IL4: variants seen among roughly 807,000 people sequenced by gnomAD.
IL4 encodes interleukin 4, also known as interleukin-4.
IL4 carries 10 observed loss-of-function variants against 17.4 expected under a neutral mutation model. The ratio of observed to expected loss-of-function variants is 0.57; its 90% CI spans 0.35 to 0.97. IL4 has a LOEUF of 0.97. Among genes scored for constraint, IL4 ranks in the 50% least tolerant of loss-of-function variants. IL4 has a pLI of 0.01. For missense variants in IL4, 174 were observed against 187.7 expected (o/e 0.93, Z 0.43); for synonymous variants, 87 against 79.0 (o/e 1.10, Z -0.54).
At chr5:132,677,803 CCA>C (rs1242422112) in intron 2 of IL4, 1 of 152,242 alleles carries the variant, frequency 6.6e-6, no homozygotes, top group Non-Finnish European at 1.5e-5. Context: ...CTGCCCACCT[CCA>C]GACACACAGG....
rs561735058 is a variant in IL4, at chr5:132,679,599, T to C, written c.184-115T>C. The C allele has an allele frequency of 6.6e-5, 59 of 900,064 alleles. 2 individuals carry two copies. The South Asian group carries it at 9.2e-4, about 14-fold the overall frequency. 55.8% of individuals were successfully genotyped at this position (900,064 alleles called of 1,614,324 possible). A position where few individuals can be genotyped will look rare whatever the true frequency, so the allele number is the denominator to read the frequency against. On this transcript the variant is annotated intron_variant, in intron 2 of 3. Coordinates refer to ENST00000231449, the MANE Select transcript of IL4 (RefSeq NM_000589.4). ...GAATACTTGAAGACAGGTCTGTAGT[T>C]GAGCAAACTCACCTCCATTTGTCCT...
At position 132,682,572 on chromosome 5, in the gene IL4, A is replaced by G. The variant is rs368386975; in HGVS notation, c.447A>G (p.Ser149=). The G allele has an allele frequency of 3.8e-6, 6 of 1,592,146 alleles. No homozygotes were observed. The highest frequency in any genetic ancestry group is 1.3e-5 in the African/African-American group (1 of 74,532). ...AGACGATCATGAGAGAGAAATATTC[A>G]AAGTGTTCGAGCTGAATATTTTAAT... The part of the protein sequence containing the change: ...RLKTIMREKY[S]KCSS Residue 149 remains serine (S), a synonymous_variant, in exon 4 of 4, where the codon TCA becomes TCG. Transcript: ENST00000231449.
chr5:132,676,344 A>T (rs1351994294), intron 2 of IL4, among the ~76,000 whole-genome samples: 2 of 152,232 alleles, frequency 1.3e-5, no homozygotes, highest in Non-Finnish European at 2.9e-5. Flanking sequence ...GATTAAAAGC[A>T]AGAACAGGTG....
chr5:132,675,705 C>A (rs530775688), intron 2 of IL4, among the ~76,000 whole-genome samples: 1 of 151,958 alleles, frequency 6.6e-6, no homozygotes, highest in Non-Finnish European at 1.5e-5. Flanking sequence ...TGCACCACCA[C>A]GCCTGGCTAA....
chr5:132,674,171 C>T lies in IL4; in HGVS notation c.121C>T (p.Leu41Phe). ...GGAGATCATCAAAACTTTGAACAGC[C>T]TCACAGAGCAGAAGGTGAGTACCTA... ...LQEIIKTLNSLTEQKTLCTEL... is the reference protein window; with the variant it reads ...LQEIIKTLNSFTEQKTLCTEL... Residue 41 changes from leucine to phenylalanine, a missense_variant, in exon 1 of 4, where the codon CTC becomes TTC. Transcript: ENST00000231449. 1 of 1,614,126 alleles carries T rather than the reference C, an allele frequency of 6.2e-7. No homozygotes were observed. The highest frequency in any genetic ancestry group is 8.5e-7 in the Non-Finnish European group (1 of 1,179,986).
At chr5:132,679,990 AC>A in intron 3 of IL4, 100 bp downstream of exon 3, 1 of 974,576 alleles carries the variant, frequency 1.0e-6, no homozygotes, top group Admixed American at 2.9e-5. Flanking sequence ...CCCTTGGTCA[AC>A]CCATTCATTC....
intron 3 of IL4, among the ~76,000 whole-genome samples, chr5:132,681,476 C>A (rs7703922): frequency 4.2e-4 from 64 of 152,010 alleles, no homozygotes; most frequent in African/African-American, 1.5e-3. Context: ...GATAGGGTGG[C>A]GAGAGGAGAC....
intron 2 of IL4, among the ~76,000 whole-genome samples, chr5:132,675,929 A>ATGTGTGTG (rs2234664): frequency 0.044 from 6,231 of 141,004 alleles, 490 homozygotes; most frequent in African/African-American, 0.16. Flanking sequence ...GTGTATGTAT[A>ATGTGTGTG]TGTGTGTGTG....
At chr5:132,682,404 T>G in intron 3 of IL4, 82 bp from the exon 4 acceptor site, 1 of 816,644 alleles carries the variant, frequency 1.2e-6, no homozygotes, top group Non-Finnish European at 2.1e-6. Context: ...AGGTGACAAG[T>G]GCCACAGTAG....
rs1448748947 is a variant in IL4, at chr5:132,680,015, A to G, written c.360+125A>G. The G allele has an allele frequency of 3.7e-6, 3 of 812,952 alleles. No individual in the cohort carries two copies. Among genetic ancestry groups the G allele is most frequent in the Non-Finnish European group, 3.8e-6 (2 of 524,284 alleles). The allele number at this position is 812,952 out of a possible 1,614,324, so 50.4% of individuals were successfully genotyped here. ...ACCCATTCATTCATTCACTCATTCA[A>G]TAAGTATTTGCTGAAGTTCCACAAG... is the stretch of plus-strand genomic sequence containing the variant. On this transcript the variant is annotated intron_variant, in intron 3 of 3. Coordinates refer to ENST00000231449, the MANE Select transcript of IL4 (RefSeq NM_000589.4). The surrounding 1 kb of genome is among the most constrained non-coding windows in gnomAD (Gnocchi z 4.3).
In IL4 at chr5:132,679,889, T is replaced by C. The variant is rs71645915; in HGVS notation, c.359T>C (p.Leu120Ser). The C allele has an allele frequency of 6.2e-7, 1 of 1,611,242 alleles. No homozygotes were observed. The highest frequency in any genetic ancestry group is 1.1e-5 in the South Asian group (1 of 90,774). ...LDRNLWGLAG[L>S]NSCPVKEANQ... ...AGGAACCTCTGGGGCCTGGCGGGCT[T>C]GGTAAGCTGCACTGTATTCCTGGCA... Residue 120 changes from leucine to serine, a missense_variant and splice_region_variant, in exon 3 of 4, where the codon TTG becomes TCG. By Grantham distance (145) the Leu-to-Ser change is moderately radical. Coordinates refer to ENST00000231449, the MANE Select transcript of IL4 (RefSeq NM_000589.4).
intron 2 of IL4, among the ~76,000 whole-genome samples, chr5:132,675,927 A>ATG (rs1338820933): frequency 1.2e-4 from 5 of 41,020 alleles, no homozygotes; most frequent in Non-Finnish European, 1.7e-4. Context: ...ATGTGTATGT[A>ATG]TATGTGTGTG....
chr5:132,674,348 T>C, intron 1 of IL4, 111 bp from the exon 2 acceptor site: 1 of 1,373,434 alleles, frequency 7.3e-7, no homozygotes, highest in Non-Finnish European at 1.0e-6. Context: ...TTTCTGAGGG[T>C]TTGTAGGAAG....
At chr5:132,682,220 G>A (rs1381374480) in intron 3 of IL4, among the ~76,000 whole-genome samples, 1 of 152,076 alleles carries the variant, frequency 6.6e-6, no homozygotes, top group Non-Finnish European at 1.5e-5. Flanking sequence ...CACCTCTCCA[G>A]AGACTGCACT....
intron 2 of IL4, among the ~76,000 whole-genome samples, chr5:132,676,643 T>G (rs1045308820): frequency 2.0e-5 from 3 of 152,228 alleles, no homozygotes; most frequent in African/African-American, 7.2e-5. Context: ...GATCTCACTC[T>G]TCACTCTTTT....
rs1450454599 is a variant in IL4 at position 132,680,037 on chromosome 5, C to G, written c.360+147C>G. On this transcript the variant is annotated intron_variant, in intron 3 of 3. Transcript: ENST00000231449. This position sits in a 1 kb window ranked among gnomAD's most constrained non-coding sequence, Gnocchi z 4.3. ...TCAATAAGTATTTGCTGAAGTTCCACAAGTGCTGGGTGTGGTTCTAGGTGC... is the reference window on the plus strand; with the variant it reads ...TCAATAAGTATTTGCTGAAGTTCCAGAAGTGCTGGGTGTGGTTCTAGGTGC... 5.5e-6 allele frequency: 4 copies of G among 726,512 alleles called. No homozygotes were observed. The highest frequency in any genetic ancestry group is 8.9e-6 in the Non-Finnish European group (4 of 449,328). 45.0% of individuals were successfully genotyped at this position (726,512 alleles called of 1,614,324 possible). A position where few individuals can be genotyped will look rare whatever the true frequency, so the allele number is the denominator to read the frequency against.
intron 1 of IL4, 28 bp from the exon 2 acceptor site, chr5:132,674,431 T>C: frequency 3.1e-6 from 5 of 1,612,150 alleles, no homozygotes; most frequent in Non-Finnish European, 4.2e-6. Flanking sequence ...ACTCTGTCTC[T>C]TGCTCTCTCA....
chr5:132,674,275 G>C, intron 1 of IL4, 90 bp downstream of exon 1: 1 of 1,492,896 alleles, frequency 6.7e-7, no homozygotes, highest in Non-Finnish European at 9.3e-7. Flanking sequence ...TGCTAGAGAA[G>C]TTGGAACTGG....
Position 132,680,516 on chromosome 5 carries a change from G to A in IL4, c.360+626G>A, listed in dbSNP as rs1209134795. The stretch of plus-strand genomic sequence containing the variant: ...GGGCAGGACAAAGACTGTACAATCT[G>A]ATTTACGTGATTTAAAAGGGTCAGT... On this transcript the variant is annotated intron_variant, in intron 3 of 3. Coordinates refer to ENST00000231449, the MANE Select transcript of IL4 (RefSeq NM_000589.4). The surrounding 1 kb of genome is among the most constrained non-coding windows in gnomAD (Gnocchi z 4.3). Among the ~76,000 whole-genome samples the A allele has an allele frequency of 6.6e-6, 1 of 152,182 alleles. No individual in the cohort carries two copies. The highest frequency in any genetic ancestry group is 1.5e-5 in the Non-Finnish European group (1 of 68,036).
Sources: allele counts gnomAD v4.1 joint callset (sites outside exome capture counted in the v4.1 genomes callset), GRCh38; gene constraint gnomAD v4.1.1; non-coding constraint Gnocchi (gnomAD v3.1); transcripts MANE v1.5; gene names NCBI Gene and HGNC (gene_info 2026-07-23, HGNC 2026-07-21).